Variants in ST18 observed in about 807,000 individuals in gnomAD.
The protein encoded by ST18 is suppression of tumorigenicity 18 protein.
In ST18, 50 loss-of-function variants were observed where a neutral mutation model predicts 110.0. The ratio of observed to expected loss-of-function variants is 0.45; its 90% CI spans 0.36 to 0.58. The LOEUF (loss-of-function observed/expected upper bound fraction) is 0.58. Ranked by LOEUF, ST18 falls within the 20% of genes least tolerant of loss-of-function variation. The pLI is 0.00. For missense variants in ST18, 1,306 were observed against 1,280.1 expected, an observed-to-expected ratio of 1.02 and a Z score of -0.31; for synonymous variants, 461 against 452.4, an observed-to-expected ratio of 1.02 and a Z score of -0.24.
rs1397433053 is a variant in ST18 at position 52,149,274 on chromosome 8, A to G, written c.2052+458T>C. Among the ~76,000 whole-genome samples, 4 of 152,388 alleles carry G rather than the reference A, an allele frequency of 2.6e-5. No homozygotes were observed. In the South Asian group the frequency reaches 8.3e-4, roughly 32 times the overall value. On this transcript the variant is annotated intron_variant, in intron 16 of 25. Transcript: ENST00000689386. Reference sequence around the variant, plus strand: ...CCAATGCCTTAAACAATGAGTCTATACATAGGTATGCTAACACAGTCCCTT... The same window carrying G: ...CCAATGCCTTAAACAATGAGTCTATGCATAGGTATGCTAACACAGTCCCTT...
At chr8:52,236,046 A>G (rs1008559080) in intron 2 of ST18, among the ~76,000 whole-genome samples, 1 of 152,238 alleles carries the variant, frequency 6.6e-6, no homozygotes, top group Non-Finnish European at 1.5e-5. Context: ...CAACATACTG[A>G]TCTTGGATTA....
chr8:52,285,860 T>C (rs1315958407), intron 2 of ST18, among the ~76,000 whole-genome samples: 2 of 152,240 alleles, frequency 1.3e-5, no homozygotes, highest in Admixed American at 1.3e-4. Context: ...AGGTTACTTC[T>C]CTTTGCCTTA....
At chr8:52,155,931 G>T (rs1169698437) in intron 15 of ST18, among the ~76,000 whole-genome samples, 1 of 152,138 alleles carries the variant, frequency 6.6e-6, no homozygotes, top group Non-Finnish European at 1.5e-5. Flanking sequence ...GTGACAGTAA[G>T]ATCTGTAATT....
At chr8:52,371,458 C>G (rs1209825730) in intron 2 of ST18, among the ~76,000 whole-genome samples, 3 of 152,146 alleles carry the variant, frequency 2.0e-5, no homozygotes, top group Non-Finnish European at 4.4e-5. Flanking sequence ...GCTCTCAAAA[C>G]TGTGTCAAAT....
At chr8:52,288,359 C>A (rs1432213878) in intron 2 of ST18, among the ~76,000 whole-genome samples, 2 of 152,074 alleles carry the variant, frequency 1.3e-5, no homozygotes, top group Non-Finnish European at 2.9e-5. Context: ...TGAGAAAATG[C>A]CATTAAAACA....
At chr8:52,361,001 T>C (rs1358414192) in intron 2 of ST18, among the ~76,000 whole-genome samples, 1 of 152,192 alleles carries the variant, frequency 6.6e-6, no homozygotes, top group Non-Finnish European at 1.5e-5. Flanking sequence ...AAGAAAAAAT[T>C]GTAAAGCCTT....
chr8:52,181,704 A>C (rs1291267661), intron 8 of ST18, among the ~76,000 whole-genome samples: 3 of 152,186 alleles, frequency 2.0e-5, no homozygotes, highest in Admixed American at 6.5e-5. Flanking sequence ...TGTGGGAGCA[A>C]ACACCACCAT....
intron 8 of ST18, among the ~76,000 whole-genome samples, chr8:52,188,615 A>C (rs529279898): frequency 3.4e-4 from 52 of 152,342 alleles, no homozygotes; most frequent in African/African-American, 1.1e-3. Context: ...TAGGAGGACT[A>C]TTCTGGCTTC....
intron 8 of ST18, chr8:52,200,942 T>C (rs1044726203): frequency 1.3e-5 from 2 of 152,202 alleles, no homozygotes; most frequent in Non-Finnish European, 2.9e-5. Flanking sequence ...GTTGGTTATA[T>C]GAGTCTGAAA....
At chr8:52,407,460 CA>C (rs34473011) in intron 2 of ST18, 87,171 of 151,892 alleles carry the variant, frequency 0.57, 27,029 homozygotes, top group Non-Finnish European at 0.68. Context: ...ATATTTTTAT[CA>C]AAAAAATCAC....
At chr8:52,246,492 A>C (rs1447546149) in intron 2 of ST18, 1 of 152,224 alleles carries the variant, frequency 6.6e-6, no homozygotes, top group Non-Finnish European at 1.5e-5. Flanking sequence ...TAAAATTTTT[A>C]GGTATGCTTT....
At chr8:52,150,778 C>T (rs951280876) in intron 15 of ST18, 3 of 152,240 alleles carry the variant, frequency 2.0e-5, no homozygotes, top group Admixed American at 6.5e-5. Context: ...CTTGAGATAC[C>T]TTCTACCTTT....
chr8:52,379,055 T>G (rs547124809), intron 2 of ST18, among the ~76,000 whole-genome samples: 2 of 151,842 alleles, frequency 1.3e-5, no homozygotes, highest in African/African-American at 4.8e-5. Context: ...CATCAAATAA[T>G]GCTATCTACA....
chr8:52,210,383 A>G (rs1400479572), intron 8 of ST18, among the ~76,000 whole-genome samples: 1 of 152,188 alleles, frequency 6.6e-6, no homozygotes, highest in African/African-American at 2.4e-5. Context: ...TTCTTAAGCC[A>G]GGTGCAGTGG....
intron 17 of ST18, among the ~76,000 whole-genome samples, chr8:52,140,911 C>G (rs933270974): frequency 2.0e-5 from 3 of 151,964 alleles, no homozygotes; most frequent in African/African-American, 7.2e-5. Flanking sequence ...AAAATACATA[C>G]AAAGATGAAA....
chr8:52,302,227 C>G (rs1481478601), intron 2 of ST18, among the ~76,000 whole-genome samples: 1 of 152,118 alleles, frequency 6.6e-6, no homozygotes, highest in Non-Finnish European at 1.5e-5. Flanking sequence ...CATTCAAAGC[C>G]ACGTCTCCCA....
chr8:52,130,110 G>GAAAGA (rs1554585433), intron 22 of ST18, among the ~76,000 whole-genome samples: 1 of 82,272 alleles, frequency 1.2e-5, no homozygotes, highest in African/African-American at 5.3e-5. Context: ...AAGAAAGAAA[G>GAAAGA]AAAGAAAGAA....
chr8:52,295,672 A>AATTTTG (rs1468251815), intron 2 of ST18, among the ~76,000 whole-genome samples: 4 of 149,982 alleles, frequency 2.7e-5, no homozygotes, highest in Non-Finnish European at 5.9e-5. Context: ...GTTTCGGGAC[A>AATTTTG]ATTTTGAGGC....
intron 2 of ST18, among the ~76,000 whole-genome samples, chr8:52,309,215 T>C (rs1487302813): frequency 2.0e-5 from 3 of 152,156 alleles, no homozygotes; most frequent in Non-Finnish European, 4.4e-5. Context: ...TTCCTGTTAA[T>C]GATGCTAGAA....
Sources: gnomAD v4.1 joint callset for allele counts (sites outside exome capture counted in the v4.1 genomes callset) on GRCh38, gnomAD v4.1.1 for gene constraint, MANE v1.5 for transcripts, NCBI Gene and HGNC (gene_info 2026-07-23, HGNC 2026-07-21) for gene names.